MLLT3: variants seen among roughly 807,000 people sequenced by gnomAD.
MLLT3 encodes protein AF-9.
A neutral mutation model predicts 53.2 loss-of-function variants in MLLT3; 4 were observed. That is an observed-to-expected ratio of 0.08 (90% confidence interval 0.04 to 0.17). MLLT3 has a LOEUF of 0.17. Among genes scored for constraint, MLLT3 ranks in the 10% least tolerant of loss-of-function variants. The pLI is 1.00. For missense variants in MLLT3, 569 were observed against 684.0 expected (o/e 0.83, Z 1.87); for synonymous variants, 283 against 230.6 (o/e 1.23, Z -2.06).
At chr9:20,501,613 C>T (rs963289464) in intron 2 of MLLT3, among the ~76,000 whole-genome samples, 6 of 151,780 alleles carry the variant, frequency 4.0e-5, no homozygotes, top group South Asian at 2.1e-4. Context: ...TAGCCGGGCG[C>T]GGTGGCGGGC....
intron 2 of MLLT3, among the ~76,000 whole-genome samples, chr9:20,593,068 A>C (rs1820168427): frequency 6.6e-6 from 1 of 152,146 alleles, no homozygotes; most frequent in Non-Finnish European, 1.5e-5. Context: ...AAAAGCTCAA[A>C]TTTTTCTGTA....
At chr9:20,473,857 A>G (rs1056219117) in intron 2 of MLLT3, among the ~76,000 whole-genome samples, 7 of 152,156 alleles carry the variant, frequency 4.6e-5, no homozygotes, top group African/African-American at 1.4e-4. Flanking sequence ...ATAAATAATT[A>G]TTATGCAACT....
chr9:20,572,946 A>G (rs1275716390), intron 2 of MLLT3, among the ~76,000 whole-genome samples: 3 of 152,202 alleles, frequency 2.0e-5, no homozygotes, highest in Admixed American at 6.5e-5. Flanking sequence ...TGTTTTCTCC[A>G]TCCATAGATA....
intron 2 of MLLT3, among the ~76,000 whole-genome samples, chr9:20,553,509 T>C (rs1479250518): frequency 6.6e-5 from 10 of 152,184 alleles, no homozygotes; most frequent in Admixed American, 5.2e-4. Context: ...TCTGTAACAC[T>C]CATTCAACAA....
chr9:20,551,558 G>C (rs1035239611), intron 2 of MLLT3, among the ~76,000 whole-genome samples: 1 of 152,066 alleles, frequency 6.6e-6, no homozygotes, highest in African/African-American at 2.4e-5. Flanking sequence ...CCTTTCTCCT[G>C]TGACACTTTT....
intron 3 of MLLT3, among the ~76,000 whole-genome samples, chr9:20,454,804 T>C (rs1823920020): frequency 6.6e-6 from 1 of 152,146 alleles, no homozygotes; most frequent in Admixed American, 6.5e-5. Flanking sequence ...TCTAAATTCC[T>C]TCCCACAAAC....
chr9:20,365,076 G>C (rs1199710802), intron 6 of MLLT3, among the ~76,000 whole-genome samples: 1 of 152,132 alleles, frequency 6.6e-6, no homozygotes, highest in African/African-American at 2.4e-5. Context: ...CTATGTCAAA[G>C]CCTCTTAAAG....
At chr9:20,400,254 A>G (rs1469914578) in intron 5 of MLLT3, among the ~76,000 whole-genome samples, 1 of 152,166 alleles carries the variant, frequency 6.6e-6, no homozygotes, top group Non-Finnish European at 1.5e-5. Flanking sequence ...TTCTATGACA[A>G]CCAAGTTTTT....
chr9:20,432,630 G>A (rs545780250), intron 4 of MLLT3, among the ~76,000 whole-genome samples: 5 of 150,560 alleles, frequency 3.3e-5, no homozygotes, highest in South Asian at 4.2e-4. Flanking sequence ...AGAAAAAGAA[G>A]TCACCAAGGC....
intron 5 of MLLT3, among the ~76,000 whole-genome samples, chr9:20,392,547 T>C (rs1176303606): frequency 1.3e-5 from 2 of 152,186 alleles, no homozygotes; most frequent in African/African-American, 2.4e-5. Context: ...TAATTTTAAA[T>C]GAAGAAACTT....
intron 2 of MLLT3, among the ~76,000 whole-genome samples, chr9:20,506,360 T>A (rs1484741830): frequency 6.6e-6 from 1 of 152,204 alleles, no homozygotes; most frequent in Non-Finnish European, 1.5e-5. Context: ...TCAAGAGAAC[T>A]GGCTGATGAG....
chr9:20,582,000 T>C (rs532288020), intron 2 of MLLT3, among the ~76,000 whole-genome samples: 58 of 152,342 alleles, frequency 3.8e-4, no homozygotes, highest in African/African-American at 1.3e-3. Flanking sequence ...TAATTTTTTA[T>C]ATTAAATTAT....
chr9:20,377,952 AT>A lies in MLLT3; in HGVS notation c.1126-12209del, dbSNP rs569858133. Among the ~76,000 whole-genome samples the A allele has an allele frequency of 1.6e-3, 244 of 152,218 alleles. 2 individuals carry two copies. The highest frequency in any genetic ancestry group is 5.6e-3 in the African/African-American group (233 of 41,570). On this transcript the variant is annotated intron_variant, in intron 5 of 10. Coordinates refer to ENST00000380338, the MANE Select transcript of MLLT3 (RefSeq NM_004529.4). Reference sequence around the variant, plus strand: ...AGGGTTATTTCTCTACAAGCCTTATATCTTCCTCAATAGAATTAGAATACTG... The same window carrying A: ...AGGGTTATTTCTCTACAAGCCTTATACTTCCTCAATAGAATTAGAATACTG...
At chr9:20,354,906 A>C in intron 8 of MLLT3, 27 bp from the exon 9 acceptor site, 1 of 1,569,588 alleles carries the variant, frequency 6.4e-7, no homozygotes. Flanking sequence ...ACGCTGTGTT[A>C]AATTTTATTT....
chr9:20,612,298 C>T (rs1820722265), intron 2 of MLLT3, among the ~76,000 whole-genome samples: 2 of 152,048 alleles, frequency 1.3e-5, no homozygotes, highest in South Asian at 2.1e-4. Flanking sequence ...GTGTCCTTTC[C>T]AGCTCTAAAA....
intron 5 of MLLT3, chr9:20,380,229 G>C (rs1821873749): frequency 6.6e-6 from 1 of 151,880 alleles, no homozygotes; most frequent in Non-Finnish European, 1.5e-5. Context: ...AACAATGGCA[G>C]CTCAGGACAG....
At chr9:20,475,414 G>A (rs1446115346) in intron 2 of MLLT3, among the ~76,000 whole-genome samples, 2 of 151,944 alleles carry the variant, frequency 1.3e-5, no homozygotes, top group East Asian at 3.9e-4. Flanking sequence ...TTATCTTAAT[G>A]GTATAATTTC....
intron 8 of MLLT3, among the ~76,000 whole-genome samples, chr9:20,357,467 T>C (rs1318686397): frequency 6.6e-6 from 1 of 152,212 alleles, no homozygotes; most frequent in Non-Finnish European, 1.5e-5. Flanking sequence ...AATAGAAGAA[T>C]TGTGGTTTAG....
At chr9:20,363,772 C>T (rs528208788) in intron 6 of MLLT3, among the ~76,000 whole-genome samples, 167 bp from the exon 7 acceptor site, 1 of 152,284 alleles carries the variant, frequency 6.6e-6, no homozygotes, top group African/African-American at 2.4e-5. Flanking sequence ...AAAATGCAAT[C>T]TCTGCCAAAA....
Sources: allele counts gnomAD v4.1 joint callset (sites outside exome capture counted in the v4.1 genomes callset), GRCh38; gene constraint gnomAD v4.1.1; transcripts MANE v1.5; gene names NCBI Gene and HGNC (gene_info 2026-07-23, HGNC 2026-07-21).